The following GNG12 variants were observed in gnomAD, a reference collection of about 807,000 sequenced individuals.
GNG12 encodes guanine nucleotide-binding protein G(I)/G(S)/G(O) subunit gamma-12.
For synonymous variants in GNG12, 28 were observed against 29.7 expected, an observed-to-expected ratio of 0.94 and a Z score of 0.19; for missense variants, 69 against 83.8, an observed-to-expected ratio of 0.82 and a Z score of 0.69.
intron 1 of GNG12, among the ~76,000 whole-genome samples, chr1:67,810,380 G>C (rs1049488804): frequency 5.3e-5 from 8 of 152,148 alleles, no homozygotes; most frequent in African/African-American, 1.9e-4. Context: ...AGAACACCAA[G>C]AGTGAATCCT....
chr1:67,760,804 C>T (rs1482887247), intron 2 of GNG12, among the ~76,000 whole-genome samples: 3 of 152,174 alleles, frequency 2.0e-5, no homozygotes, highest in Non-Finnish European at 2.9e-5. Context: ...GGACACGTCT[C>T]GATCCTTGCA....
At chr1:67,785,393 A>G (rs2100775243) in intron 1 of GNG12, among the ~76,000 whole-genome samples, 1 of 152,264 alleles carries the variant, frequency 6.6e-6, no homozygotes, top group Non-Finnish European at 1.5e-5. Context: ...TCTCCCAAGT[A>G]TTCCCTTATT....
chr1:67,724,350 T>G (rs986437007), intron 2 of GNG12, among the ~76,000 whole-genome samples: 1 of 152,154 alleles, frequency 6.6e-6, no homozygotes, highest in Non-Finnish European at 1.5e-5. Flanking sequence ...TCAGATATTA[T>G]ATTGAACAAA....
chr1:67,753,245 C>G (rs1316914983), intron 2 of GNG12, among the ~76,000 whole-genome samples: 1 of 152,010 alleles, frequency 6.6e-6, no homozygotes, highest in African/African-American at 2.4e-5. Context: ...CCTCCAAAAT[C>G]TGAAACTTTT....
At chr1:67,802,269 T>C (rs1473942770) in intron 1 of GNG12, among the ~76,000 whole-genome samples, 1 of 152,126 alleles carries the variant, frequency 6.6e-6, no homozygotes, top group African/African-American at 2.4e-5. Context: ...GGGTGAAAGA[T>C]CAATATTGTT....
In GNG12 at chr1:67,802,477, C is replaced by T. The variant is rs563309768; in HGVS notation, c.-76-24970G>A. Among the ~76,000 whole-genome samples the T allele has an allele frequency of 1.4e-4, 22 of 152,300 alleles. No individual in the cohort carries two copies. The South Asian group carries it at 3.3e-3, about 23-fold the overall frequency. ...TGCCATGAGATTTCATGCTTTCAGG[C>T]TCCAGACTTCTGCATGCTCTGCTCT... On this transcript the variant is annotated intron_variant, in intron 1 of 3. Coordinates refer to ENST00000370982, the MANE Select transcript of GNG12 (RefSeq NM_018841.6).
intron 1 of GNG12, among the ~76,000 whole-genome samples, chr1:67,827,330 CAGA>C (rs888171191): frequency 1.3e-5 from 2 of 152,200 alleles, no homozygotes; most frequent in African/African-American, 4.8e-5. Flanking sequence ...CTGAAAATTA[CAGA>C]AGATTTTAGC....
intron 2 of GNG12, among the ~76,000 whole-genome samples, chr1:67,756,587 GTGA>G (rs1238683721): frequency 6.6e-6 from 1 of 152,194 alleles, no homozygotes; most frequent in Non-Finnish European, 1.5e-5. Context: ...AAGATAGGGT[GTGA>G]TGGTTTTAAC....
rs1202179562 is a variant in GNG12 at position 67,702,605 on chromosome 1, A to G, written c.*2846T>C. Reference sequence around the variant, plus strand: ...TGATTTTAAAAACCTGACATTTTTTAGAAGAAAAAAAAAAACTAGCTATGA... The same window carrying G: ...TGATTTTAAAAACCTGACATTTTTTGGAAGAAAAAAAAAAACTAGCTATGA... On this transcript the variant is annotated 3_prime_UTR_variant, in exon 4 of 4. Transcript: ENST00000370982. The G allele has an allele frequency of 6.7e-6, 1 of 150,224 alleles. No homozygotes were observed. The highest frequency in any genetic ancestry group is 1.5e-5 in the Non-Finnish European group (1 of 67,540). The allele number at this position is 150,224 out of a possible 1,614,324, so 9.3% of individuals were successfully genotyped here.
chr1:67,753,024 C>T lies in GNG12; in HGVS notation c.-27+24434G>A, dbSNP rs111417101. On this transcript the variant is annotated intron_variant, in intron 2 of 3. Coordinates refer to ENST00000370982, the MANE Select transcript of GNG12 (RefSeq NM_018841.6). Reference sequence around the variant, plus strand: ...TCCTACAGTGTCACCACTGCATTCACTTTGTCATACTACAATGGTCTGTCC... The same window carrying T: ...TCCTACAGTGTCACCACTGCATTCATTTTGTCATACTACAATGGTCTGTCC... Among the ~76,000 whole-genome samples, 693 of 152,324 alleles carry T rather than the reference C, an allele frequency of 4.5e-3. 4 individuals are homozygous for T. Among genetic ancestry groups the T allele is most frequent in the Middle Eastern group, 0.01 (3 of 294 alleles).
intron 2 of GNG12, among the ~76,000 whole-genome samples, chr1:67,756,531 C>T (rs1361641308): frequency 6.6e-6 from 1 of 152,202 alleles, no homozygotes; most frequent in Non-Finnish European, 1.5e-5. Context: ...ACCAGTTTCC[C>T]ATCTTCTGGG....
intron 2 of GNG12, among the ~76,000 whole-genome samples, chr1:67,745,723 G>A (rs1215613662): frequency 6.6e-6 from 1 of 152,080 alleles, no homozygotes; most frequent in Non-Finnish European, 1.5e-5. Flanking sequence ...AAGTATTTGT[G>A]GTTTCCAAGT....
intron 2 of GNG12, among the ~76,000 whole-genome samples, chr1:67,726,217 C>G (rs1646384533): frequency 6.6e-6 from 1 of 152,218 alleles, no homozygotes; most frequent in Non-Finnish European, 1.5e-5. Flanking sequence ...CTATAGTCAG[C>G]AGACTTTTCA....
At chr1:67,822,760 T>C (rs970523328) in intron 1 of GNG12, among the ~76,000 whole-genome samples, 3 of 152,116 alleles carry the variant, frequency 2.0e-5, no homozygotes, top group African/African-American at 4.8e-5. Context: ...GATGGAGATA[T>C]AGGCTAACTT....
At chr1:67,754,625 A>G (rs147979692) in intron 2 of GNG12, among the ~76,000 whole-genome samples, 4 of 152,232 alleles carry the variant, frequency 2.6e-5, no homozygotes, top group African/African-American at 4.8e-5. Context: ...TTCTGTAAAG[A>G]AAAGTTGACT....
At chr1:67,755,812 C>T (rs1254009191) in intron 2 of GNG12, among the ~76,000 whole-genome samples, 1 of 152,040 alleles carries the variant, frequency 6.6e-6, no homozygotes, top group Non-Finnish European at 1.5e-5. Context: ...GTCCTAAGGT[C>T]ATAACGAACA....
chr1:67,733,708 A>AGAGGGGAC (rs1234128545), intron 2 of GNG12, among the ~76,000 whole-genome samples: 1 of 152,216 alleles, frequency 6.6e-6, no homozygotes, highest in African/African-American at 2.4e-5. Flanking sequence ...TCCCCAGTGG[A>AGAGGGGAC]CTTCCCCCAA....
At chr1:67,737,859 A>T (rs1052041474) in intron 2 of GNG12, among the ~76,000 whole-genome samples, 2 of 151,822 alleles carry the variant, frequency 1.3e-5, no homozygotes, top group African/African-American at 4.8e-5. Context: ...TAAACTGTCC[A>T]CTCCCCTTAC....
intron 2 of GNG12, among the ~76,000 whole-genome samples, chr1:67,720,708 G>T (rs1157162132): frequency 6.6e-6 from 1 of 152,128 alleles, no homozygotes; most frequent in East Asian, 1.9e-4. Context: ...AATTCTAAAA[G>T]AATATATACA....
Sources: gnomAD v4.1 joint callset for allele counts (sites outside exome capture counted in the v4.1 genomes callset) on GRCh38, gnomAD v4.1.1 for gene constraint, MANE v1.5 for transcripts, NCBI Gene and HGNC (gene_info 2026-07-23, HGNC 2026-07-21) for gene names.